Variants in ZNRF3 observed in about 807,000 individuals in gnomAD.
ZNRF3 encodes zinc and ring finger 3, also known as E3 ubiquitin-protein ligase ZNRF3.
In ZNRF3, 23 loss-of-function variants were observed where a neutral mutation model predicts 72.5. The observed-to-expected ratio is 0.32, with a 90% CI of 0.23 to 0.45. The LOEUF is 0.45. Among genes scored for constraint, ZNRF3 ranks in the 20% least tolerant of loss-of-function variants. ZNRF3 has a pLI of 1.00. For synonymous variants in ZNRF3, 610 were observed against 545.3 expected (o/e 1.12, Z -1.65); for missense variants, 1,169 against 1,272.1 (o/e 0.92, Z 1.23).
chr22:28,983,616 A>C (rs1221691300), intron 1 of ZNRF3, among the ~76,000 whole-genome samples: 2 of 152,100 alleles, frequency 1.3e-5, no homozygotes, highest in Admixed American at 6.6e-5. Flanking sequence ...TCTTTCTACC[A>C]TGGCCTTAAG....
chr22:28,929,172 C>T (rs991397442), intron 1 of ZNRF3, among the ~76,000 whole-genome samples: 7 of 151,940 alleles, frequency 4.6e-5, no homozygotes, highest in African/African-American at 1.7e-4. Flanking sequence ...AGGAAGCCAG[C>T]GGCCTTTGAG....
At chr22:29,044,251 A>C (rs1054204238) in intron 4 of ZNRF3, among the ~76,000 whole-genome samples, 1 of 152,116 alleles carries the variant, frequency 6.6e-6, no homozygotes, top group African/African-American at 2.4e-5. Flanking sequence ...CTAAAACTAG[A>C]GGGAGTTTGC....
At chr22:28,924,848 G>A (rs987057128) in intron 1 of ZNRF3, among the ~76,000 whole-genome samples, 1 of 151,868 alleles carries the variant, frequency 6.6e-6, no homozygotes, top group African/African-American at 2.4e-5. Context: ...TAGAGTATGT[G>A]AGAGGCTTGC....
intron 1 of ZNRF3, among the ~76,000 whole-genome samples, chr22:28,900,054 A>G (rs7289444): frequency 0.013 from 1,972 of 152,176 alleles, 36 homozygotes; most frequent in African/African-American, 0.043. Flanking sequence ...GGGATCTTCT[A>G]TCTCTTCCTA....
intron 8 of ZNRF3, among the ~76,000 whole-genome samples, chr22:29,051,654 C>T (rs1382677447): frequency 6.6e-6 from 1 of 150,642 alleles, no homozygotes; most frequent in East Asian, 1.9e-4. Context: ...TGCCTGTAAT[C>T]CCTGCACTTT....
chr22:28,993,818 G>A (rs944924846), intron 2 of ZNRF3, among the ~76,000 whole-genome samples: 1 of 152,164 alleles, frequency 6.6e-6, no homozygotes, highest in Non-Finnish European at 1.5e-5. Context: ...AAGTAGCTGG[G>A]ACTACAGGTG....
At chr22:29,000,819 G>T (rs777957708) in intron 2 of ZNRF3, among the ~76,000 whole-genome samples, 4 of 152,006 alleles carry the variant, frequency 2.6e-5, no homozygotes, top group Non-Finnish European at 4.4e-5. Flanking sequence ...TGAGATGGGG[G>T]TGGGATGCTT....
intron 1 of ZNRF3, among the ~76,000 whole-genome samples, chr22:28,909,629 G>A (rs1254847882): frequency 2.6e-5 from 4 of 152,066 alleles, no homozygotes; most frequent in Admixed American, 1.3e-4. Flanking sequence ...CACCCAGGCT[G>A]GAGTGCGGGG....
chr22:28,917,268 AACACACACACACACACACACAC>A lies in ZNRF3; in HGVS notation c.300+33217_300+33238del, dbSNP rs10533572. ...TTTGCGATGGAGTGGTTGGGGATAA[AACACACACACACACACACACAC>A]ACACACACACACACGACACTAGGTA... On this transcript the variant is annotated intron_variant, in intron 1 of 8. Coordinates refer to ENST00000544604, the MANE Select transcript of ZNRF3 (RefSeq NM_001206998.2). 3.9e-4 allele frequency: 67 copies of A among 171,380 alleles called. 1 individual carries two copies. The highest frequency in any genetic ancestry group is 6.6e-4 in the Non-Finnish European group (58 of 88,442). 10.6% of individuals were successfully genotyped at this position (171,380 alleles called of 1,614,324 possible). A position where few individuals can be genotyped will look rare whatever the true frequency, so the allele number is the denominator to read the frequency against.
intron 2 of ZNRF3, among the ~76,000 whole-genome samples, chr22:29,007,825 C>T (rs1321037499): frequency 7.0e-6 from 1 of 142,384 alleles, no homozygotes; most frequent in African/African-American, 2.7e-5. Context: ...GGTGCGATCT[C>T]GGCTCACCAC....
At chr22:29,037,584 C>A (rs2036889140) in intron 2 of ZNRF3, among the ~76,000 whole-genome samples, 1 of 152,162 alleles carries the variant, frequency 6.6e-6, no homozygotes, top group South Asian at 2.1e-4. Context: ...AGGGCCCTGT[C>A]TTCTAGAGGC....
At chr22:28,899,510 A>G (rs1716381123) in intron 1 of ZNRF3, among the ~76,000 whole-genome samples, 1 of 152,044 alleles carries the variant, frequency 6.6e-6, no homozygotes, top group Non-Finnish European at 1.5e-5. Flanking sequence ...TGCCATACCA[A>G]CCTTGTTTTT....
chr22:29,001,208 A>G (rs565382585), intron 2 of ZNRF3, among the ~76,000 whole-genome samples: 30 of 151,020 alleles, frequency 2.0e-4, no homozygotes, highest in Non-Finnish European at 3.2e-4. Flanking sequence ...AGCTGGGACT[A>G]CAGATGCCTG....
At chr22:29,031,638 A>G (rs2036759779) in intron 2 of ZNRF3, 14 of 985,350 alleles carry the variant, frequency 1.4e-5, no homozygotes, top group Non-Finnish European at 1.7e-5. Flanking sequence ...AGGAGTAAGG[A>G]TTTAAAATCC....
At chr22:28,911,753 C>A (rs932323777) in intron 1 of ZNRF3, among the ~76,000 whole-genome samples, 1 of 152,014 alleles carries the variant, frequency 6.6e-6, no homozygotes, top group African/African-American at 2.4e-5. Context: ...AGTTGCCTTT[C>A]GAGTCCTGCC....
intron 1 of ZNRF3, among the ~76,000 whole-genome samples, chr22:28,986,177 T>C (rs2035852017): frequency 6.6e-6 from 1 of 152,222 alleles, no homozygotes; most frequent in Admixed American, 6.5e-5. Flanking sequence ...TTCTGGAGAT[T>C]AGGACATAGA....
rs773296494 is a variant in ZNRF3, at chr22:29,001,059, C to CTTTTTTT, written c.426+13879_426+13885dup. On this transcript the variant is annotated intron_variant, in intron 2 of 8. Coordinates refer to ENST00000544604, the MANE Select transcript of ZNRF3 (RefSeq NM_001206998.2). ...CTGCCTTGGCCTCCCAAAGCTTTGC[C>CTTTTTTT]TTTTTTTTTTTTTTTTTTTTTTTTT... 1.0e-4 allele frequency among the ~76,000 whole-genome samples: 8 copies of CTTTTTTT among 77,954 alleles called. 2 individuals are homozygous for CTTTTTTT. Among genetic ancestry groups the CTTTTTTT allele is most frequent in the East Asian group, 4.8e-4 (1 of 2,074 alleles). 51.1% of individuals were successfully genotyped at this position (77,954 alleles called of 152,430 possible). A position where few individuals can be genotyped will look rare whatever the true frequency, so the allele number is the denominator to read the frequency against.
chr22:28,961,748 A>G (rs987954276), intron 1 of ZNRF3, among the ~76,000 whole-genome samples: 2 of 152,236 alleles, frequency 1.3e-5, no homozygotes, highest in Non-Finnish European at 2.9e-5. Flanking sequence ...CCCAAGACAC[A>G]CAGTGAAATT....
chr22:28,888,070 G>A (rs1177687842), intron 1 of ZNRF3, among the ~76,000 whole-genome samples: 2 of 152,128 alleles, frequency 1.3e-5, no homozygotes, highest in African/African-American at 4.8e-5. Context: ...GCCTTTCTGG[G>A]TCCTAGGTTA....
Sources: allele counts gnomAD v4.1 joint callset (sites outside exome capture counted in the v4.1 genomes callset), GRCh38; gene constraint gnomAD v4.1.1; transcripts MANE v1.5; gene names NCBI Gene and HGNC (gene_info 2026-07-23, HGNC 2026-07-21).